The following ABR variants were observed in gnomAD, a reference collection of about 807,000 sequenced individuals.
ABR encodes the protein active breakpoint cluster region-related protein.
ABR carries 35 observed loss-of-function variants against 107.2 expected under a neutral mutation model. The observed-to-expected ratio is 0.33, with a 90% CI of 0.25 to 0.43. The LOEUF is 0.43. Among genes scored for constraint, ABR ranks in the 20% least tolerant of loss-of-function variants. The pLI, the probability that ABR is intolerant of heterozygous loss-of-function variation, is 1.00. For synonymous variants in ABR, 498 were observed against 462.0 expected (o/e 1.08, Z -1.00); for missense variants, 815 against 1,115.2 (o/e 0.73, Z 3.83).
At chr17:1,085,114 T>TAGACTACTCGGGGAAGTG (rs1383858889) in intron 4 of ABR, among the ~76,000 whole-genome samples, 2 of 145,310 alleles carry the variant, frequency 1.4e-5, no homozygotes, top group African/African-American at 5.1e-5. Flanking sequence ...TTAAAACTTT[T>TAGACTACTCGGGGAAGTG]TTTTTTTTTT....
intron 2 of ABR, among the ~76,000 whole-genome samples, chr17:1,115,943 T>TAAAATAAAATAA: frequency 6.9e-6 from 1 of 145,812 alleles, no homozygotes; most frequent in East Asian, 2.0e-4. Flanking sequence ...ATAAAATACA[T>TAAAATAAAATAA]AGGCTGGGCG....
upstream of ABR, chr17:1,182,461 G>A (rs535285736): frequency 5.2e-3 from 797 of 152,248 alleles, 1 homozygote; most frequent in Non-Finnish European, 8.4e-3. Flanking sequence ...TCCGCCTCCC[G>A]GGTTCACGCC....
chr17:1,082,403 G>A (rs1281392002), intron 5 of ABR, among the ~76,000 whole-genome samples: 1 of 152,142 alleles, frequency 6.6e-6, no homozygotes, highest in East Asian at 1.9e-4. Flanking sequence ...GGAAGGCTGG[G>A]CCTCAGGAGC....
chr17:1,109,278 G>C (rs1460796061), intron 2 of ABR, among the ~76,000 whole-genome samples: 1 of 151,808 alleles, frequency 6.6e-6, no homozygotes, highest in Admixed American at 6.6e-5. Context: ...CCGGCGAAAG[G>C]GGGAGCAAGG....
At chr17:1,006,267 T>A in intron 22 of ABR, 98 bp from the exon 23 acceptor site, 1 of 1,107,942 alleles carries the variant, frequency 9.0e-7, no homozygotes, top group Non-Finnish European at 1.3e-6. Context: ...CTAGACTGGC[T>A]CCGGCCACCG....
At chr17:1,118,054 C>A (rs553353320) in intron 2 of ABR, among the ~76,000 whole-genome samples, 101 of 40,252 alleles carry the variant, frequency 2.5e-3, no homozygotes, top group African/African-American at 0.012. Context: ...TTCCTCCCAG[C>A]GTTATCCCTG....
intron 1 of ABR, among the ~76,000 whole-genome samples, chr17:1,221,772 C>A (rs372497128): frequency 2.0e-5 from 3 of 152,166 alleles, no homozygotes; most frequent in South Asian, 4.1e-4. Context: ...ATATAAGAAG[C>A]CAGATGGTGG....
intron 16 of ABR, among the ~76,000 whole-genome samples, chr17:1,033,584 G>T (rs962677529): frequency 6.6e-6 from 1 of 152,204 alleles, no homozygotes; most frequent in East Asian, 1.9e-4. Flanking sequence ...GCCTTGGGGC[G>T]TCCTGCCTGG....
chr17:1,080,829 T>A (rs1269422455), intron 5 of ABR, among the ~76,000 whole-genome samples: 2 of 152,044 alleles, frequency 1.3e-5, no homozygotes, highest in Non-Finnish European at 1.5e-5. Context: ...ACTCCCAGAT[T>A]TCGGGAATGT....
intron 1 of ABR, 140 bp from the exon 2 acceptor site, chr17:1,125,507 T>G: frequency 1.3e-6 from 1 of 781,162 alleles, no homozygotes; most frequent in Non-Finnish European, 1.8e-6. Flanking sequence ...GCGGGGGCTG[T>G]GCGGGGGCCT....
At position 1,018,073 on chromosome 17, in the gene ABR, T is replaced by C. The variant is rs149214299; in HGVS notation, c.1792-4909A>G. ...TTTATTTATTTTTGAGACGGAGTCT[T>C]GCTCTGTCGCCCAGGCTGGAGTGCT... On this transcript the variant is annotated intron_variant, in intron 16 of 22. Transcript: ENST00000302538. Among the ~76,000 whole-genome samples the C allele has an allele frequency of 1.4e-3, 208 of 150,496 alleles. 1 individual carries two copies. The highest frequency in any genetic ancestry group is 0.01 in the East Asian group (53 of 5,132).
At chr17:1,182,143 C>T (rs559826408), upstream of ABR, 7 of 152,252 alleles carry the variant, frequency 4.6e-5, no homozygotes, top group African/African-American at 1.7e-4. Context: ...ATCTTGAGGG[C>T]TCTACAGAGG....
At chr17:1,130,960 T>G (rs982126874) in intron 1 of ABR, among the ~76,000 whole-genome samples, 5 of 152,262 alleles carry the variant, frequency 3.3e-5, no homozygotes, top group Non-Finnish European at 7.3e-5. Flanking sequence ...CATCGATTTC[T>G]GCTGTTCTAA....
rs1203446819 is a variant in ABR, at chr17:1,179,431, A to AC, written c.61+235dup. On this transcript the variant is annotated intron_variant, in intron 1 of 22. Coordinates refer to ENST00000302538, the MANE Select transcript of ABR (RefSeq NM_021962.5). This position sits in a 1 kb window ranked among gnomAD's most constrained non-coding sequence, Gnocchi z 4.9. ...CGGACCGCAGGAATCCTCTCTGGGG[A>AC]CCCCCCGCCCGCGCCCCCCAGACCA... Among the ~76,000 whole-genome samples, 13 of 147,916 alleles carry AC rather than the reference A, an allele frequency of 8.8e-5. No individual in the cohort carries two copies. Among genetic ancestry groups the AC allele is most frequent in the African/African-American group, 3.0e-4 (12 of 39,630 alleles).
chr17:1,012,880 C>T lies in ABR; in HGVS notation c.1852-83G>A, dbSNP rs571299658. On this transcript the variant is annotated intron_variant, in intron 17 of 22. Transcript: ENST00000302538. ...CCCCAAAACACAGGGGTCCCCTCCCCAAGACTGCAAATGAGGGCTAGCTCA... is the reference window on the plus strand; with the variant it reads ...CCCCAAAACACAGGGGTCCCCTCCCTAAGACTGCAAATGAGGGCTAGCTCA... 69 of 1,233,560 alleles carry T rather than the reference C, an allele frequency of 5.6e-5. 1 individual carries two copies. In the African/African-American group the frequency reaches 1.0e-3, roughly 18 times the overall value. 76.4% of individuals were successfully genotyped at this position (1,233,560 alleles called of 1,614,324 possible).
chr17:1,178,543 G>C (rs1190473822), intron 1 of ABR, among the ~76,000 whole-genome samples: 3 of 147,852 alleles, frequency 2.0e-5, no homozygotes, highest in Non-Finnish European at 4.5e-5. Context: ...CAGCCTGGGC[G>C]ACAGAGCCGA....
At chr17:1,147,606 C>T (rs1477699388) in intron 1 of ABR, among the ~76,000 whole-genome samples, 1 of 152,108 alleles carries the variant, frequency 6.6e-6, no homozygotes, top group African/African-American at 2.4e-5. Context: ...GGTGACCCAC[C>T]CGCCTCAGCC....
At chr17:1,018,896 T>A (rs915321980) in intron 16 of ABR, among the ~76,000 whole-genome samples, 2 of 152,252 alleles carry the variant, frequency 1.3e-5, no homozygotes, top group African/African-American at 4.8e-5. Flanking sequence ...ATGAGGATGC[T>A]GCAGCTTAAC....
chr17:1,083,262 AT>A (rs71148428), intron 5 of ABR: 29,914 of 100,436 alleles, frequency 0.3, 2,623 homozygotes, highest in Middle Eastern at 0.37. Context: ...ACTGCCTTGG[AT>A]TTTTTTTTTT....
Sources: allele counts gnomAD v4.1 joint callset (sites outside exome capture counted in the v4.1 genomes callset), GRCh38; gene constraint gnomAD v4.1.1; non-coding constraint Gnocchi (gnomAD v3.1); transcripts MANE v1.5; gene names NCBI Gene and HGNC (gene_info 2026-07-23, HGNC 2026-07-21).